UNC13C: variants seen among roughly 807,000 people sequenced by gnomAD.
UNC13C encodes unc-13 homolog C.
Under a neutral mutation model 245.4 loss-of-function variants are expected in UNC13C, and 174 were observed. That is an observed-to-expected ratio of 0.71 (90% confidence interval 0.63 to 0.80). The LOEUF is 0.80. UNC13C is among the 30% of genes least tolerant of loss of function. The pLI, the probability that UNC13C is intolerant of heterozygous loss-of-function variation, is 0.00. For missense variants in UNC13C, 2,829 were observed against 2,602.9 expected (o/e 1.09, Z -1.89); for synonymous variants, 992 against 895.1 (o/e 1.11, Z -1.93).
chr15:54,080,945 G>A (rs1262729030), intron 2 of UNC13C, among the ~76,000 whole-genome samples: 1 of 151,918 alleles, frequency 6.6e-6, no homozygotes, highest in Non-Finnish European at 1.5e-5. Flanking sequence ...TAGGCATTTA[G>A]CGCTATAAAA....
At chr15:54,430,272 C>T (rs907480703) in intron 19 of UNC13C, among the ~76,000 whole-genome samples, 7 of 151,570 alleles carry the variant, frequency 4.6e-5, no homozygotes, top group African/African-American at 1.7e-4. Context: ...TAGTTTTTTA[C>T]TCTTCAAATT....
At chr15:54,621,125 G>C (rs1333066901) in intron 30 of UNC13C, among the ~76,000 whole-genome samples, 1 of 152,158 alleles carries the variant, frequency 6.6e-6, no homozygotes, top group East Asian at 1.9e-4. Context: ...CTCTTGAAAG[G>C]TTTTGGCCCA....
intron 26 of UNC13C, among the ~76,000 whole-genome samples, chr15:54,533,304 A>C (rs1042078793): frequency 6.6e-6 from 1 of 152,212 alleles, no homozygotes; most frequent in African/African-American, 2.4e-5. Context: ...AGGGGAAATA[A>C]ATTTTATAAC....
chr15:53,898,075 C>T, the UNC13C span, among the ~76,000 whole-genome samples: 3 of 152,042 alleles, frequency 2.0e-5, no homozygotes, highest in Non-Finnish European at 4.4e-5. Flanking sequence ...CTAACTCTTC[C>T]AGCTGTGAGA....
At chr15:54,602,147 A>C (rs1390698673) in intron 30 of UNC13C, among the ~76,000 whole-genome samples, 1 of 152,208 alleles carries the variant, frequency 6.6e-6, no homozygotes, top group Non-Finnish European at 1.5e-5. Flanking sequence ...GCCTCTGAGG[A>C]CCAAGAAAGC....
rs189378275 is a variant in UNC13C, at chr15:54,484,942, T to C, written c.4934-9666T>C. ...TGATTTTGTAATAAAAGTTATAAGATTCTGAGACATACTTGAAACTGATTA... is the reference window on the plus strand; with the variant it reads ...TGATTTTGTAATAAAAGTTATAAGACTCTGAGACATACTTGAAACTGATTA... On this transcript the variant is annotated intron_variant, in intron 19 of 32. Coordinates refer to ENST00000260323, the MANE Select transcript of UNC13C (RefSeq NM_001080534.3). Among the ~76,000 whole-genome samples the C allele has an allele frequency of 1.4e-3, 210 of 152,330 alleles. 2 individuals carry two copies. Among genetic ancestry groups the C allele is most frequent in the African/African-American group, 4.7e-3 (195 of 41,568 alleles).
intron 19 of UNC13C, among the ~76,000 whole-genome samples, chr15:54,471,327 G>A (rs541852521): frequency 6.6e-6 from 1 of 151,626 alleles, no homozygotes; most frequent in Non-Finnish European, 1.5e-5. Flanking sequence ...GTTGCAGTCT[G>A]TGTCTCTCTT....
intron 7 of UNC13C, among the ~76,000 whole-genome samples, chr15:54,246,225 G>A (rs1010243352): frequency 4.3e-4 from 66 of 152,100 alleles, no homozygotes; most frequent in African/African-American, 1.5e-3. Flanking sequence ...GGAGAAGAAA[G>A]TTCTAACAAA....
At chr15:54,177,947 A>G (rs777754483) in intron 4 of UNC13C, among the ~76,000 whole-genome samples, 4 of 151,756 alleles carry the variant, frequency 2.6e-5, no homozygotes, top group Non-Finnish European at 5.9e-5. Flanking sequence ...TTCCTTTAGT[A>G]GTTTGCTGCC....
intron 30 of UNC13C, among the ~76,000 whole-genome samples, chr15:54,598,025 G>A (rs955653842): frequency 6.6e-6 from 1 of 152,162 alleles, no homozygotes; most frequent in Admixed American, 6.6e-5. Flanking sequence ...AAGCAGTCAA[G>A]CTTTAAGACT....
chr15:54,462,690 A>G (rs1891916465), intron 19 of UNC13C, among the ~76,000 whole-genome samples: 2 of 152,320 alleles, frequency 1.3e-5, no homozygotes, highest in Middle Eastern at 6.8e-3. Context: ...CCACCTCCCC[A>G]GGGGCAGGGC....
At chr15:54,204,623 C>A (rs952666957) in intron 4 of UNC13C, among the ~76,000 whole-genome samples, 12 of 151,936 alleles carry the variant, frequency 7.9e-5, no homozygotes, top group Admixed American at 5.9e-4. Flanking sequence ...AGTTGTAAAA[C>A]TTTTCTGCAA....
intron 13 of UNC13C, among the ~76,000 whole-genome samples, chr15:54,313,378 T>C (rs1182529634): frequency 6.6e-6 from 1 of 151,844 alleles, no homozygotes; most frequent in Non-Finnish European, 1.5e-5. Context: ...TTTGTTTTAA[T>C]TAAGTAATGT....
At chr15:54,528,033 A>ATG (rs111811394) in intron 25 of UNC13C, among the ~76,000 whole-genome samples, 1 of 152,110 alleles carries the variant, frequency 6.6e-6, no homozygotes, top group African/African-American at 2.4e-5. Flanking sequence ...TTTAGAATTA[A>ATG]GTGCATAATT....
At chr15:54,028,587 G>C (rs1186579129) in intron 2 of UNC13C, among the ~76,000 whole-genome samples, 1 of 151,568 alleles carries the variant, frequency 6.6e-6, no homozygotes, top group Non-Finnish European at 1.5e-5. Context: ...GGTATGCCTG[G>C]TACCCTTGGC....
At position 53,980,028 on chromosome 15, in the gene UNC13C, C is replaced by G. The variant is rs147905094; in HGVS notation, c.-257+1101C>G. Among the ~76,000 whole-genome samples, 408 of 152,204 alleles carry G rather than the reference C, an allele frequency of 2.7e-3. 2 individuals carry two copies. Among genetic ancestry groups the G allele is most frequent in the African/African-American group, 9.4e-3 (390 of 41,534 alleles). On this transcript the variant is annotated intron_variant, in intron 1 of 32. Transcript: ENST00000260323. ...ATTTAATAGATTTTTAGTGTTAACA[C>G]AGAGTTAATGCCAAAGCTCTAGGAC... is the stretch of plus-strand genomic sequence containing the variant.
At chr15:53,940,971 A>G in the UNC13C span, among the ~76,000 whole-genome samples, 1 of 152,220 alleles carries the variant, frequency 6.6e-6, no homozygotes, top group South Asian at 2.1e-4. Flanking sequence ...TTTAAAATTC[A>G]TATGGAATAA....
At chr15:54,163,324 CT>C (rs1178140750) in intron 4 of UNC13C, among the ~76,000 whole-genome samples, 1 of 152,170 alleles carries the variant, frequency 6.6e-6, no homozygotes, top group Non-Finnish European at 1.5e-5. Context: ...GAAAAAAAAT[CT>C]CCTACAAAGC....
intron 17 of UNC13C, among the ~76,000 whole-genome samples, chr15:54,354,946 T>C (rs1433914064): frequency 2.0e-5 from 3 of 152,194 alleles, no homozygotes; most frequent in Non-Finnish European, 4.4e-5. Flanking sequence ...CATGAATAAA[T>C]TATTTCATTT....
Sources: gnomAD v4.1 joint callset for allele counts (sites outside exome capture counted in the v4.1 genomes callset) on GRCh38, gnomAD v4.1.1 for gene constraint, MANE v1.5 for transcripts, NCBI Gene and HGNC (gene_info 2026-07-23, HGNC 2026-07-21) for gene names.